Variants in MARCHF11 observed in about 807,000 individuals in gnomAD.
MARCHF11 encodes membrane associated ring-CH-type finger 11.
MARCHF11 carries 29 observed loss-of-function variants against 37.3 expected under a neutral mutation model. The observed-to-expected ratio is 0.78, with a 90% CI of 0.58 to 1.06. MARCHF11 has a LOEUF of 1.06. Ranked by LOEUF, MARCHF11 falls within the 50% of genes least tolerant of loss-of-function variation. The pLI is 0.00. For synonymous variants in MARCHF11, 233 were observed against 228.0 expected (o/e 1.02, Z -0.20); for missense variants, 482 against 533.4 (o/e 0.90, Z 0.95).
At position 16,179,210 on chromosome 5, in the gene MARCHF11, A is replaced by G. The variant is rs1738421088; in HGVS notation, c.366T>C (p.Ser122=). Residue 122 remains serine, a synonymous_variant, in exon 1 of 4, where the codon TCT becomes TCC. Coordinates refer to ENST00000332432, the MANE Select transcript of MARCHF11 (RefSeq NM_001102562.3). ...AAAAKGGPGE[S]EAGAGGERER... is the part of the protein sequence containing the mutation. ...CGCGCTCGCCGCCCGCGCCGGCCTC[A>G]GACTCCCCGGGGCCGCCTTTCGCTG... The G allele has an allele frequency of 1.5e-6, 2 of 1,347,094 alleles. No homozygotes were observed. The highest frequency in any genetic ancestry group is 1.8e-5 in the South Asian group (1 of 54,086). The allele number at this position is 1,347,094 out of a possible 1,614,324, so 83.4% of individuals were successfully genotyped here. A position where few individuals can be genotyped will look rare whatever the true frequency, so the allele number is the denominator to read the frequency against.
intron 2 of MARCHF11, among the ~76,000 whole-genome samples, chr5:16,113,047 C>T (rs544291996): frequency 2.0e-5 from 3 of 152,138 alleles, no homozygotes; most frequent in African/African-American, 7.2e-5. Flanking sequence ...TAATACGTAA[C>T]CAGAAAGCAT....
Position 16,132,563 on chromosome 5 carries a change from G to C in MARCHF11, c.694-41482C>G, listed in dbSNP as rs549587435. Among the ~76,000 whole-genome samples the C allele has an allele frequency of 7.2e-5, 11 of 152,228 alleles. No individual in the cohort carries two copies. In the East Asian group the frequency reaches 1.9e-3, roughly 27 times the overall value. On this transcript the variant is annotated intron_variant, in intron 2 of 3. Coordinates refer to ENST00000332432, the MANE Select transcript of MARCHF11 (RefSeq NM_001102562.3). ...CTACCAGGATAATGCAAAAACATTT[G>C]ACTGACAAGCAAACAAGGGGTTGTA... is the stretch of plus-strand genomic sequence containing the variant.
chr5:16,101,897 T>C (rs1228972335), intron 2 of MARCHF11, among the ~76,000 whole-genome samples: 3 of 152,216 alleles, frequency 2.0e-5, no homozygotes, highest in African/African-American at 7.2e-5. Flanking sequence ...TTAGGGACCA[T>C]AGCATGAGGC....
chr5:16,128,351 C>A (rs191999720), intron 2 of MARCHF11, among the ~76,000 whole-genome samples: 2 of 152,178 alleles, frequency 1.3e-5, no homozygotes, highest in Non-Finnish European at 2.9e-5. Flanking sequence ...GTAAAAGGAC[C>A]CAGCAGGGAT....
At chr5:16,072,139 T>C (rs1335359384) in intron 3 of MARCHF11, among the ~76,000 whole-genome samples, 1 of 152,072 alleles carries the variant, frequency 6.6e-6, no homozygotes, top group Non-Finnish European at 1.5e-5. Flanking sequence ...AACCTTACAG[T>C]TGAGAAAATT....
intron 2 of MARCHF11, among the ~76,000 whole-genome samples, chr5:16,150,814 G>A (rs1737876539): frequency 6.6e-6 from 1 of 151,830 alleles, no homozygotes; most frequent in Non-Finnish European, 1.5e-5. Flanking sequence ...TATTCTATAA[G>A]CTTCTTGAGT....
intron 3 of MARCHF11, among the ~76,000 whole-genome samples, chr5:16,074,286 C>T (rs1736480299): frequency 6.6e-6 from 1 of 152,066 alleles, no homozygotes; most frequent in African/African-American, 2.4e-5. Flanking sequence ...CATTAAATGC[C>T]TACATCAAAA....
chr5:16,129,203 G>A (rs1737472216), intron 2 of MARCHF11: 1 of 152,114 alleles, frequency 6.6e-6, no homozygotes, highest in Non-Finnish European at 1.5e-5. Context: ...ACACTCTGCT[G>A]TATATCTTGG....
chr5:16,178,336 T>A (rs922958352), intron 1 of MARCHF11, among the ~76,000 whole-genome samples: 3 of 152,236 alleles, frequency 2.0e-5, no homozygotes, highest in African/African-American at 7.2e-5. Flanking sequence ...GCCTGTATAT[T>A]CTTATGCAAT....
intron 2 of MARCHF11, among the ~76,000 whole-genome samples, chr5:16,134,414 C>T (rs1041337831): frequency 6.6e-6 from 1 of 152,098 alleles, no homozygotes; most frequent in African/African-American, 2.4e-5. Flanking sequence ...TGCTGCCATG[C>T]GATGACACAG....
chr5:16,080,346 C>T (rs1347864008), intron 3 of MARCHF11, among the ~76,000 whole-genome samples: 1 of 152,170 alleles, frequency 6.6e-6, no homozygotes, highest in Non-Finnish European at 1.5e-5. Flanking sequence ...CCACGATCCT[C>T]TCCCTCCCCT....
intron 2 of MARCHF11, among the ~76,000 whole-genome samples, chr5:16,135,499 G>A (rs369376058): frequency 1.3e-5 from 2 of 152,166 alleles, no homozygotes; most frequent in Admixed American, 1.3e-4. Flanking sequence ...AGTCTCTTCT[G>A]AATACTGCCT....
chr5:16,085,103 A>G (rs1736673540), intron 3 of MARCHF11, among the ~76,000 whole-genome samples: 2 of 152,232 alleles, frequency 1.3e-5, no homozygotes, highest in South Asian at 4.1e-4. Flanking sequence ...CTTTAGCCAC[A>G]GAGAGAGCTA....
At chr5:16,166,176 A>G (rs1279855494) in intron 2 of MARCHF11, among the ~76,000 whole-genome samples, 2 of 151,792 alleles carry the variant, frequency 1.3e-5, no homozygotes, top group East Asian at 3.9e-4. Flanking sequence ...CTTATACCCA[A>G]TCCTTTTGTT....
At chr5:16,176,466 G>T (rs549006228) in intron 2 of MARCHF11, among the ~76,000 whole-genome samples, 49 of 152,230 alleles carry the variant, frequency 3.2e-4, no homozygotes, top group African/African-American at 1.1e-3. Context: ...TCTTGGAAAA[G>T]GTGTCAGGTT....
chr5:16,125,614 ACT>A (rs1354128400), intron 2 of MARCHF11, among the ~76,000 whole-genome samples: 1,824 of 119,822 alleles, frequency 0.015, 29 homozygotes, highest in African/African-American at 0.054. Context: ...ACCCTGGCAC[ACT>A]CTCTGTGTGT....
chr5:16,173,186 T>A (rs1157618722), intron 2 of MARCHF11, among the ~76,000 whole-genome samples: 1 of 152,152 alleles, frequency 6.6e-6, no homozygotes, highest in South Asian at 2.1e-4. Flanking sequence ...CCTTCGGTGC[T>A]CCAAGCAACA....
At chr5:16,149,733 C>A (rs1224874158) in intron 2 of MARCHF11, among the ~76,000 whole-genome samples, 1 of 152,080 alleles carries the variant, frequency 6.6e-6, no homozygotes, top group African/African-American at 2.4e-5. Flanking sequence ...GTGCTTCGAC[C>A]ATCTCCTTAT....
rs182252985 is a variant in MARCHF11 at position 16,157,768 on chromosome 5, G to A, written c.693+19958C>T. On this transcript the variant is annotated intron_variant, in intron 2 of 3. Transcript: ENST00000332432. Reference sequence around the variant, plus strand: ...CACAGAGGAAAACCTCCAAGAGATTGATCTTGGCAATGATTTTTTTGGAGA... The same window carrying A: ...CACAGAGGAAAACCTCCAAGAGATTAATCTTGGCAATGATTTTTTTGGAGA... Among the ~76,000 whole-genome samples the A allele has an allele frequency of 1.5e-4, 23 of 151,950 alleles. No individual in the cohort carries two copies. The East Asian group carries it at 3.7e-3, about 24-fold the overall frequency.
Sources: allele counts gnomAD v4.1 joint callset (sites outside exome capture counted in the v4.1 genomes callset), GRCh38; gene constraint gnomAD v4.1.1; transcripts MANE v1.5; gene names NCBI Gene and HGNC (gene_info 2026-07-23, HGNC 2026-07-21).